The following EGR4 variants were observed in gnomAD, a reference collection of about 807,000 sequenced individuals.
EGR4 encodes the protein early growth response 4.
In EGR4, 22 loss-of-function variants were observed where a neutral mutation model predicts 25.4. The observed-to-expected ratio is 0.87, with a 90% CI of 0.62 to 1.24. The LOEUF is 1.24. Ranked by LOEUF, EGR4 falls within the 50% of genes most tolerant of loss-of-function variation. The probability of loss-of-function intolerance (pLI) is 0.00; values close to 1 mark genes in which losing one functional copy is unlikely to be tolerated. For missense variants in EGR4, 742 were observed against 702.9 expected (o/e 1.06, Z -0.63); for synonymous variants, 375 against 320.1 (o/e 1.17, Z -1.83).
chr2:73,293,416 C>T lies in EGR4; in HGVS notation c.-99G>A, dbSNP rs1689152969. 2 of 1,517,124 alleles carry T rather than the reference C, an allele frequency of 1.3e-6. No individual in the cohort carries two copies. The highest frequency in any genetic ancestry group is 5.4e-5 in the East Asian group (2 of 37,146). The allele number at this position is 1,517,124 out of a possible 1,614,324, so 94.0% of individuals were successfully genotyped here. ...GGCGGTAGGGGTTCCCCGCAGCGCA[C>T]AGACCTAGGCGCCCGGGCTCCTGGC... On this transcript the variant is annotated 5_prime_UTR_variant, in exon 1 of 2. The change creates a new upstream start codon in the 5' untranslated region. Transcript: ENST00000436467.
rs1341528577 is a variant in EGR4 at position 73,293,378 on chromosome 2, T to A, written c.-61A>T. The A allele has an allele frequency of 6.7e-7, 1 of 1,498,218 alleles. No individual in the cohort carries two copies. The highest frequency in any genetic ancestry group is 8.9e-7 in the Non-Finnish European group (1 of 1,126,740). 92.8% of individuals were successfully genotyped at this position (1,498,218 alleles called of 1,614,324 possible). On this transcript the variant is annotated 5_prime_UTR_variant, in exon 1 of 2. Transcript: ENST00000436467. ...CCCGCTGGGCTTGGGGGCGCGCGGG[T>A]GGCGGGGAGGCTGGCGGTAGGGGTT... is the stretch of plus-strand genomic sequence containing the variant.
Position 73,291,870 on chromosome 2 carries a change from G to T in EGR4, c.1048C>A (p.Pro350Thr). Residue 350 changes from proline to threonine, a missense_variant, in exon 2 of 2, where the codon CCT (proline) becomes ACT (threonine). Physicochemically the swap from Pro to Thr is conservative, Grantham distance 38. Transcript: ENST00000436467. ...CGTCGCGCCTTGGCCTGGGGGAAAG[G>T]GGTGGGCGGCGGCGGCGGCACGGGT... ...APPVPPPPPTPFPQAKARRKG... is the reference protein window; with the variant it reads ...APPVPPPPPTTFPQAKARRKG... 1 of 1,579,406 alleles carries T rather than the reference G, an allele frequency of 6.3e-7. No homozygotes were observed. Among genetic ancestry groups the T allele is most frequent in the South Asian group, 1.1e-5 (1 of 87,592 alleles).
At position 73,292,216 on chromosome 2, in the gene EGR4, G is replaced by A. The variant is rs1166223594; in HGVS notation, c.702C>T (p.Pro234=). Residue 234 remains proline, a synonymous_variant, in exon 2 of 2, where the codon CCC becomes CCT. Coordinates refer to ENST00000436467, the MANE Select transcript of EGR4 (RefSeq NM_001965.4). ...AGTCCTCAATCTTGGTCCCTATTAC[G>A]GGAAAACGAGCCTCCGGGGCGGCCT... is the stretch of plus-strand genomic sequence containing the variant. ...DYQAAPEARF[P]VIGTKIEDLL... 4.4e-6 allele frequency: 7 copies of A among 1,599,476 alleles called. No individual in the cohort carries two copies. The highest frequency in any genetic ancestry group is 1.7e-5 in the Admixed American group (1 of 57,192).
rs749096961 is a variant in EGR4 at position 73,291,557 on chromosome 2, T to G, written c.1361A>C (p.Lys454Thr). The change falls in exon 2 of 2, where the codon AAA becomes ACA. Residue 454 changes from lysine (K) to threonine (T), a missense_variant. By Grantham distance (78) the Lys-to-Thr change is moderately conservative. Coordinates refer to ENST00000436467, the MANE Select transcript of EGR4 (RefSeq NM_001965.4). ...CTTGAGGTGCACCTTGCTGTGCCGT[T>G]TCTTCTCATCGCTGCGCGCGAAGCG... ...GRRFARSDEK[K>T]RHSKVHLKQK... 1 of 1,613,576 alleles carries G rather than the reference T, an allele frequency of 6.2e-7. No homozygotes were observed. The highest frequency in any genetic ancestry group is 8.5e-7 in the Non-Finnish European group (1 of 1,179,886).
Position 73,291,642 on chromosome 2 carries a change from T to C in EGR4, c.1276A>G (p.Thr426Ala). ...LRNFSRSDHL[T>A]THVRTHTGEK... ...CCGGTGTGGGTGCGCACGTGCGTGG[T>C]GAGGTGGTCGCTGCGGCTGAAGTTG... The change falls in exon 2 of 2, where the codon ACC becomes GCC. Residue 426 changes from threonine to alanine, a missense_variant. Physicochemically the swap from Thr to Ala is moderately conservative, Grantham distance 58. Coordinates refer to ENST00000436467, the MANE Select transcript of EGR4 (RefSeq NM_001965.4). 3 of 1,612,288 alleles carry C rather than the reference T, an allele frequency of 1.9e-6. No homozygotes were observed. The highest frequency in any genetic ancestry group is 2.5e-6 in the Non-Finnish European group (3 of 1,179,866).
In EGR4 at chr2:73,293,334, T is replaced by C. The variant is rs755485169; in HGVS notation, c.-17A>G. ...GTGGAGCATGGCGCGGCGCCGGCTG[T>C]GGGGCGCCCGGGGCCTCGCCCGCTG... On this transcript the variant is annotated 5_prime_UTR_variant, in exon 1 of 2. Transcript: ENST00000436467. 7 of 1,561,648 alleles carry C rather than the reference T, an allele frequency of 4.5e-6. No homozygotes were observed. The highest frequency in any genetic ancestry group is 3.6e-5 in the South Asian group (3 of 83,814).
Position 73,291,359 on chromosome 2 carries a change from G to T in EGR4, c.*98C>A. Reference sequence around the variant, plus strand: ...AGCGGGACCGGAGGCCGGCCCTCGGGCGTGCGAGGAGGAGTTGGAAGAAGA... The same window carrying T: ...AGCGGGACCGGAGGCCGGCCCTCGGTCGTGCGAGGAGGAGTTGGAAGAAGA... On this transcript the variant is annotated 3_prime_UTR_variant, in exon 2 of 2. Transcript: ENST00000436467. 1 of 1,483,434 alleles carries T rather than the reference G, an allele frequency of 6.7e-7. No homozygotes were observed. The highest frequency in any genetic ancestry group is 9.0e-7 in the Non-Finnish European group (1 of 1,111,552). 91.9% of individuals were successfully genotyped at this position (1,483,434 alleles called of 1,614,324 possible).
rs1238693153 is a variant in EGR4 at position 73,292,127 on chromosome 2, C to T, written c.791G>A (p.Gly264Glu). 2.5e-6 allele frequency: 4 copies of T among 1,598,678 alleles called. No homozygotes were observed. Among genetic ancestry groups the T allele is most frequent in the South Asian group, 1.1e-5 (1 of 88,644 alleles). ...AVPANRLYPS[G>E]AYDAFPLAPG... is the part of the protein sequence containing the mutation. ...GGCCAGCGGGAAAGCGTCATAGGCC[C>T]CGCTGGGATAGAGTCTGTTGGCTGG... The change falls in exon 2 of 2, where the codon GGG becomes GAG. Residue 264 changes from glycine to glutamate, a missense_variant. Coordinates refer to ENST00000436467, the MANE Select transcript of EGR4 (RefSeq NM_001965.4).
In EGR4 at chr2:73,291,796, C is replaced by A; in HGVS notation, c.1122G>T (p.Arg374=). ...GGCAAGCGAAGGCCTTGGCGTGCGG[C>A]CGCGGGCAGAAGCAGCGCGTGCTGC... ...GKCSTRCFCP[R]PHAKAFACPV... is the part of the protein sequence containing the mutation. Residue 374 remains arginine (R), a synonymous_variant, in exon 2 of 2, where the codon CGG becomes CGT. Coordinates refer to ENST00000436467, the MANE Select transcript of EGR4 (RefSeq NM_001965.4). 6.3e-7 allele frequency: 1 copy of A among 1,595,900 alleles called. No homozygotes were observed. Among genetic ancestry groups the A allele is most frequent in the Non-Finnish European group, 8.5e-7 (1 of 1,176,316 alleles).
At position 73,292,261 on chromosome 2, in the gene EGR4, A is replaced by G. The variant is rs1236857666; in HGVS notation, c.657T>C (p.Cys219=). ...ELLSVGAPGN[C]GSQGDYQAAP... The stretch of plus-strand genomic sequence containing the variant: ...CGGCCTGGTAGTCTCCCTGTGACCC[A>G]CAGTTCCCTGGGGCCCCCACAGAAA... Residue 219 remains cysteine (C), a synonymous_variant, in exon 2 of 2, where the codon TGT becomes TGC. Transcript: ENST00000436467. 6.2e-7 allele frequency: 1 copy of G among 1,611,746 alleles called. No homozygotes were observed. Among genetic ancestry groups the G allele is most frequent in the Non-Finnish European group, 8.5e-7 (1 of 1,179,016 alleles).
chr2:73,292,551 T>C lies in EGR4; in HGVS notation c.367A>G (p.Arg123Gly). 2 of 1,509,012 alleles carry C rather than the reference T, an allele frequency of 1.3e-6. No individual in the cohort carries two copies. The highest frequency in any genetic ancestry group is 2.7e-5 in the South Asian group (2 of 73,404). The allele number at this position is 1,509,012 out of a possible 1,614,324, so 93.5% of individuals were successfully genotyped here. A position where few individuals can be genotyped will look rare whatever the true frequency, so the allele number is the denominator to read the frequency against. The change falls in exon 2 of 2, where the codon AGA becomes GGA. Residue 123 changes from arginine (R) to glycine (G), a missense_variant. Physicochemically the swap from Arg to Gly is moderately radical, Grantham distance 125. Coordinates refer to ENST00000436467, the MANE Select transcript of EGR4 (RefSeq NM_001965.4). Reference sequence around the variant, plus strand: ...GGAAAAGGGGCATCCAGCGGGGATCTGGACGCTGCTGCCTCTGGACCGGGG... The same window carrying C: ...GGAAAAGGGGCATCCAGCGGGGATCCGGACGCTGCTGCCTCTGGACCGGGG... ...PFPGPEAAAS[R>G]SPLDAPFPAG...
At position 73,291,496 on chromosome 2, in the gene EGR4, G is replaced by A. The variant is rs1228995625; in HGVS notation, c.1422C>T (p.Leu474=). The change falls in exon 2 of 2, where the codon CTC becomes CTT. Residue 474 remains leucine (L), a synonymous_variant. Transcript: ENST00000436467. ...AGGAGAGGCCCAGCGAGTAAAAGCC[G>A]AGGCCCTTGAGCCGCTCCTCGGCGC... The part of the protein sequence containing the change: ...KARAEERLKG[L]GFYSLGLSFA... The A allele has an allele frequency of 1.9e-6, 3 of 1,610,526 alleles. No individual in the cohort carries two copies. Among genetic ancestry groups the A allele is most frequent in the East Asian group, 2.2e-5 (1 of 44,728 alleles).
chr2:73,292,641 C>T lies in EGR4; in HGVS notation c.277G>A (p.Glu93Lys), dbSNP rs1229801343. The T allele has an allele frequency of 1.9e-6, 3 of 1,547,558 alleles. No individual in the cohort carries two copies. Among genetic ancestry groups the T allele is most frequent in the Non-Finnish European group, 2.6e-6 (3 of 1,146,806 alleles). ...SGSFFIQAVP[E>K]HPHDPEALFN... ...AGTGCCTCCGGGTCGTGCGGGTGTT[C>T]GGGCACTGCCTGAATGAAGAAGCTA... The change falls in exon 2 of 2, where the codon GAA (glutamate) becomes AAA (lysine). Residue 93 changes from glutamate (E) to lysine (K), a missense_variant. By Grantham distance (56) the Glu-to-Lys change is moderately conservative (BLOSUM62 1). Transcript: ENST00000436467.
rs755209019 is a variant in EGR4 at position 73,291,452 on chromosome 2, C to A, written c.*5G>T. On this transcript the variant is annotated 3_prime_UTR_variant, in exon 2 of 2. Transcript: ENST00000436467. The stretch of plus-strand genomic sequence containing the variant: ...GGCGCCCCAACCCATAAACCCATCT[C>A]TTGCTCAGAGAGAAGCGAAGGAGAG... 15 of 1,591,620 alleles carry A rather than the reference C, an allele frequency of 9.4e-6. No homozygotes were observed. In the South Asian group the frequency reaches 1.5e-4, roughly 16 times the overall value.
At position 73,293,537 on chromosome 2, in the gene EGR4, G is replaced by T; in HGVS notation, c.-220C>A. ...CGGCGGCTCCTCGCCTCTCCAAAGC[G>T]CTGCCGGGCTCCCCCAGCCCACAGC... On this transcript the variant is annotated 5_prime_UTR_variant, in exon 1 of 2. Coordinates refer to ENST00000436467, the MANE Select transcript of EGR4 (RefSeq NM_001965.4). 6.7e-7 allele frequency: 1 copy of T among 1,497,112 alleles called. No individual in the cohort carries two copies. The highest frequency in any genetic ancestry group is 8.9e-7 in the Non-Finnish European group (1 of 1,128,000). 92.7% of individuals were successfully genotyped at this position (1,497,112 alleles called of 1,614,324 possible).
In EGR4 at chr2:73,293,517, G is replaced by GCTC. The variant is rs749392575; in HGVS notation, c.-203_-201dup. 5.3e-6 allele frequency: 8 copies of GCTC among 1,501,122 alleles called. No individual in the cohort carries two copies. In the South Asian group the frequency reaches 1.0e-4, roughly 19 times the overall value. 93.0% of individuals were successfully genotyped at this position (1,501,122 alleles called of 1,614,324 possible). On this transcript the variant is annotated 5_prime_UTR_variant, in exon 1 of 2. Coordinates refer to ENST00000436467, the MANE Select transcript of EGR4 (RefSeq NM_001965.4). ...TCGCCCGCACCGGCCTCGGGCGGCG[G>GCTC]CTCCTCGCCTCTCCAAAGCGCTGCC... is the stretch of plus-strand genomic sequence containing the variant.
chr2:73,293,369 G>A lies in EGR4; in HGVS notation c.-52C>T. On this transcript the variant is annotated 5_prime_UTR_variant, in exon 1 of 2. Transcript: ENST00000436467. ...GGGGCCTCGCCCGCTGGGCTTGGGG[G>A]CGCGCGGGTGGCGGGGAGGCTGGCG... 2.0e-6 allele frequency: 3 copies of A among 1,505,628 alleles called. No individual in the cohort carries two copies. The highest frequency in any genetic ancestry group is 2.7e-6 in the Non-Finnish European group (3 of 1,129,692). 93.3% of individuals were successfully genotyped at this position (1,505,628 alleles called of 1,614,324 possible).
chr2:73,292,837 C>T (rs1365308618), intron 1 of EGR4, 56 bp from the exon 2 acceptor site: 2 of 1,357,372 alleles, frequency 1.5e-6, no homozygotes, highest in African/African-American at 3.0e-5. Flanking sequence ...CCTGAGTCCA[C>T]AGCCCCTACC....
Position 73,292,140 on chromosome 2 carries a change from G to A in EGR4, c.778C>T (p.Leu260Phe). The A allele has an allele frequency of 3.1e-6, 5 of 1,594,408 alleles. No homozygotes were observed. The highest frequency in any genetic ancestry group is 4.3e-6 in the Non-Finnish European group (5 of 1,170,326). The change falls in exon 2 of 2, where the codon CTC (leucine) becomes TTC (phenylalanine). Residue 260 changes from leucine (L) to phenylalanine (F), a missense_variant. Transcript: ENST00000436467. ...GCGTCATAGGCCCCGCTGGGATAGA[G>A]TCTGTTGGCTGGGACGGCCGGCAGT... is the stretch of plus-strand genomic sequence containing the variant. ...AELPAVPANR[L>F]YPSGAYDAFP...
Sources: gnomAD v4.1 joint callset for allele counts on GRCh38, gnomAD v4.1.1 for gene constraint, MANE v1.5 for transcripts, NCBI Gene and HGNC (gene_info 2026-07-23, HGNC 2026-07-21) for gene names.